The following ACTR3C variants were observed in gnomAD, a reference collection of about 807,000 sequenced individuals.
ACTR3C encodes actin related protein 3C, also known as actin-related protein 3C.
Under a neutral mutation model 26.3 loss-of-function variants are expected in ACTR3C, and 18 were observed. The ratio of observed to expected loss-of-function variants is 0.68; its 90% CI spans 0.47 to 1.01. The LOEUF (loss-of-function observed/expected upper bound fraction) is 1.01, where lower values mean the gene tolerates loss of function less well. Ranked by LOEUF, ACTR3C falls within the 50% of genes least tolerant of loss-of-function variation. The pLI is 0.00. For missense variants in ACTR3C, 184 were observed against 250.7 expected, an observed-to-expected ratio of 0.73 and a Z score of 1.80; for synonymous variants, 55 against 94.5, an observed-to-expected ratio of 0.58 and a Z score of 2.42.
chr7:150,166,648 A>G, the ACTR3C span, among the ~76,000 whole-genome samples: 2 of 150,354 alleles, frequency 1.3e-5, no homozygotes, highest in African/African-American at 5.0e-5. Flanking sequence ...GCAGTGAGCC[A>G]AGATGGTGCC....
At chr7:150,070,298 A>G in the ACTR3C span, among the ~76,000 whole-genome samples, 2 of 152,168 alleles carry the variant, frequency 1.3e-5, no homozygotes, top group African/African-American at 4.8e-5. Flanking sequence ...TCACCACCCG[A>G]CAGAAGCCTC....
chr7:150,036,081 TC>T, the ACTR3C span, among the ~76,000 whole-genome samples: 56,846 of 123,262 alleles, frequency 0.46, 15,175 homozygotes, highest in East Asian at 0.58. Context: ...CGAGGGGTGC[TC>T]CCCCCCCTGC....
chr7:150,037,105 C>CG, the ACTR3C span, among the ~76,000 whole-genome samples: 1 of 92,562 alleles, frequency 1.1e-5, no homozygotes, highest in African/African-American at 3.6e-5. Context: ...TCCTAAGAGC[C>CG]AGGGGGGGAA....
chr7:150,063,923 A>G, the ACTR3C span, among the ~76,000 whole-genome samples: 1 of 151,968 alleles, frequency 6.6e-6, no homozygotes, highest in African/African-American at 2.4e-5. Context: ...TTCCATGGAC[A>G]CTGAAGTATG....
At chr7:150,034,818 G>A in the ACTR3C span, among the ~76,000 whole-genome samples, 59 of 149,110 alleles carry the variant, frequency 4.0e-4, no homozygotes, top group African/African-American at 1.3e-3. Context: ...CCTCGTGGGG[G>A]GTGCCTCCCC....
the ACTR3C span, among the ~76,000 whole-genome samples, chr7:150,172,659 C>T: frequency 4.0e-5 from 6 of 150,424 alleles, no homozygotes; most frequent in Non-Finnish European, 8.8e-5. Flanking sequence ...TCGGTATTAA[C>T]CCAAAAGTCC....
At chr7:150,049,316 C>T in the ACTR3C span, among the ~76,000 whole-genome samples, 7 of 152,200 alleles carry the variant, frequency 4.6e-5, no homozygotes, top group Non-Finnish European at 8.8e-5. Flanking sequence ...GTCCTCCTTG[C>T]GCGCCCCTTC....
intron 6 of ACTR3C, among the ~76,000 whole-genome samples, chr7:150,280,798 ATGTGTGTGTG>A (rs200924995): frequency 6.8e-6 from 1 of 147,486 alleles, no homozygotes. Context: ...CCTGCTCTTG[ATGTGTGTGTG>A]TGTGTGTGTG....
the ACTR3C span, among the ~76,000 whole-genome samples, chr7:150,057,147 G>A: frequency 2.0e-5 from 3 of 152,090 alleles, no homozygotes; most frequent in Non-Finnish European, 4.4e-5. Context: ...AATATACCAG[G>A]AGATGGAATA....
intron 6 of ACTR3C, among the ~76,000 whole-genome samples, chr7:150,270,644 C>T (rs1377568317): frequency 1.3e-5 from 2 of 152,176 alleles, no homozygotes. Flanking sequence ...GTGCTCAGCA[C>T]AGCACTCTAA....
the ACTR3C span, among the ~76,000 whole-genome samples, chr7:149,955,218 G>A: frequency 6.6e-6 from 1 of 152,192 alleles, no homozygotes; most frequent in South Asian, 2.1e-4. Context: ...AGCTGCGTGG[G>A]GGCCTCTGCC....
At chr7:150,143,927 G>A in the ACTR3C span, among the ~76,000 whole-genome samples, 2 of 152,256 alleles carry the variant, frequency 1.3e-5, no homozygotes, top group Non-Finnish European at 2.9e-5. Context: ...AAGGAGATCA[G>A]GTGAGCCTGG....
At chr7:150,109,746 T>C in the ACTR3C span, among the ~76,000 whole-genome samples, 6 of 150,132 alleles carry the variant, frequency 4.0e-5, no homozygotes. Context: ...AGAAACAACC[T>C]TGACCGTTTA....
chr7:149,901,679 T>G, the ACTR3C span, among the ~76,000 whole-genome samples: 1 of 152,026 alleles, frequency 6.6e-6, no homozygotes, highest in Non-Finnish European at 1.5e-5. Context: ...TTTGACAGAC[T>G]GAGGCAGGTG....
chr7:150,139,787 A>T, the ACTR3C span, among the ~76,000 whole-genome samples: 1 of 152,176 alleles, frequency 6.6e-6, no homozygotes, highest in Admixed American at 6.5e-5. Flanking sequence ...GTTGGAGAAC[A>T]GTCCTCCCTT....
the ACTR3C span, among the ~76,000 whole-genome samples, chr7:149,975,125 A>T: frequency 6.6e-6 from 1 of 152,198 alleles, no homozygotes; most frequent in Non-Finnish European, 1.5e-5. Context: ...CATTCTCTAA[A>T]ATAGACTGTA....
At chr7:150,154,968 C>T in the ACTR3C span, among the ~76,000 whole-genome samples, 1 of 152,118 alleles carries the variant, frequency 6.6e-6, no homozygotes, top group Non-Finnish European at 1.5e-5. Flanking sequence ...TCCTGTCCCT[C>T]CCCTGGCCCA....
chr7:150,042,467 GA>G, the ACTR3C span, among the ~76,000 whole-genome samples: 5 of 142,300 alleles, frequency 3.5e-5, no homozygotes, highest in Non-Finnish European at 7.8e-5. Flanking sequence ...GCCAGGGGAG[GA>G]AAGGGGGAGG....
intron 6 of ACTR3C, among the ~76,000 whole-genome samples, chr7:150,277,149 G>A (rs1398899444): frequency 1.3e-5 from 2 of 152,012 alleles, no homozygotes; most frequent in East Asian, 3.9e-4. Context: ...TTTTGGACTT[G>A]CCAGCCTGAA....
Sources: allele counts gnomAD v4.1 joint callset (sites outside exome capture counted in the v4.1 genomes callset), GRCh38; gene constraint gnomAD v4.1.1; transcripts MANE v1.5; gene names NCBI Gene and HGNC (gene_info 2026-07-23, HGNC 2026-07-21).